CAST: variants seen among roughly 807,000 people sequenced by gnomAD.
The protein encoded by CAST is calpastatin.
A neutral mutation model predicts 119.6 loss-of-function variants in CAST; 76 were observed. The observed-to-expected ratio is 0.64, with a 90% CI of 0.53 to 0.77. The LOEUF is 0.77. Ranked by LOEUF, CAST falls within the 30% of genes least tolerant of loss-of-function variation. The pLI, the probability that CAST is intolerant of heterozygous loss-of-function variation, is 0.00. For missense variants in CAST, 953 were observed against 946.5 expected (o/e 1.01, Z -0.09); for synonymous variants, 319 against 331.6 (o/e 0.96, Z 0.41).
the CAST span, among the ~76,000 whole-genome samples, chr5:96,188,202 A>C: frequency 6.6e-6 from 1 of 152,250 alleles, no homozygotes; most frequent in African/African-American, 2.4e-5. Context: ...TAGAAAGATT[A>C]GTTTATAGGA....
chr5:96,433,619 A>G, the CAST span, among the ~76,000 whole-genome samples: 3 of 152,038 alleles, frequency 2.0e-5, no homozygotes, highest in South Asian at 6.2e-4. Flanking sequence ...GGGGGAGGCT[A>G]TAGGATTCTT....
intron 1 of CAST, among the ~76,000 whole-genome samples, chr5:96,540,546 A>T (rs1745893633): frequency 6.6e-6 from 1 of 152,200 alleles, no homozygotes; most frequent in Non-Finnish European, 1.5e-5. Context: ...TTAACATCTT[A>T]CTTTAGGATA....
At chr5:96,199,686 T>G in the CAST span, among the ~76,000 whole-genome samples, 2 of 152,162 alleles carry the variant, frequency 1.3e-5, no homozygotes, top group African/African-American at 4.8e-5. Context: ...AGTTTTGGTT[T>G]TCAGAGAAAA....
At chr5:96,446,587 G>C in the CAST span, among the ~76,000 whole-genome samples, 2 of 152,198 alleles carry the variant, frequency 1.3e-5, no homozygotes, top group Non-Finnish European at 2.9e-5. Context: ...TAAGCAGTCG[G>C]TGCTCAGCTT....
chr5:96,218,163 T>A, the CAST span, among the ~76,000 whole-genome samples: 1 of 152,226 alleles, frequency 6.6e-6, no homozygotes, highest in Non-Finnish European at 1.5e-5. Context: ...TAGGATGCTA[T>A]GTGACTCACA....
the CAST span, among the ~76,000 whole-genome samples, chr5:96,469,896 A>T: frequency 7.3e-6 from 1 of 136,866 alleles, no homozygotes; most frequent in Admixed American, 7.4e-5. Context: ...ATATACACAC[A>T]CATATATATA....
At chr5:96,412,897 TC>T in the CAST span, 2 of 141,912 alleles carry the variant, frequency 1.4e-5, no homozygotes, top group Non-Finnish European at 2.5e-5. Context: ...TTGCCCTCCC[TC>T]CCACCCCAAC....
the CAST span, among the ~76,000 whole-genome samples, chr5:96,078,734 G>A: frequency 6.6e-6 from 1 of 152,154 alleles, no homozygotes; most frequent in Non-Finnish European, 1.5e-5. Flanking sequence ...TGTCTTGTGG[G>A]TATTGATGAT....
chr5:96,156,690 G>A, the CAST span, among the ~76,000 whole-genome samples: 2 of 152,176 alleles, frequency 1.3e-5, no homozygotes, highest in Admixed American at 6.5e-5. Flanking sequence ...TCTGATCTTG[G>A]TTGTGTCTCT....
At chr5:96,605,544 T>TA (rs1747236833) in intron 1 of CAST, among the ~76,000 whole-genome samples, 1 of 152,236 alleles carries the variant, frequency 6.6e-6, no homozygotes, top group South Asian at 2.1e-4. Context: ...CTACCTGTTT[T>TA]AATTAGATGT....
chr5:96,333,042 G>C, the CAST span, among the ~76,000 whole-genome samples: 9 of 152,016 alleles, frequency 5.9e-5, no homozygotes, highest in Non-Finnish European at 1.3e-4. Flanking sequence ...AATTTTATAA[G>C]GGAAGAAGTT....
chr5:96,037,268 C>T, the CAST span, among the ~76,000 whole-genome samples: 7 of 152,080 alleles, frequency 4.6e-5, no homozygotes, highest in African/African-American at 1.4e-4. Flanking sequence ...CCTACCATGA[C>T]GCTGGGAAAC....
chr5:96,497,761 G>A, the CAST span, among the ~76,000 whole-genome samples: 3 of 152,082 alleles, frequency 2.0e-5, no homozygotes, highest in African/African-American at 7.2e-5. Flanking sequence ...CTGGATATTA[G>A]CCCTTTGTCA....
At position 96,662,517 on chromosome 5, in the gene CAST, G is replaced by A; in HGVS notation, c.75+20G>A. 7.4e-7 allele frequency: 1 copy of A among 1,359,634 alleles called. No individual in the cohort carries two copies. The highest frequency in any genetic ancestry group is 9.4e-7 in the Non-Finnish European group (1 of 1,062,908). 84.2% of individuals were successfully genotyped at this position (1,359,634 alleles called of 1,614,324 possible). On this transcript the variant is annotated intron_variant, in intron 1 of 31. Coordinates refer to ENST00000675179, the MANE Select transcript of CAST (RefSeq NM_001750.7). ...CATGAGGTGAGTGGCGCTCCTGTCGGCGTCGCGGGGCTGGGCGATGGGGTA... is the reference window on the plus strand; with the variant it reads ...CATGAGGTGAGTGGCGCTCCTGTCGACGTCGCGGGGCTGGGCGATGGGGTA...
chr5:96,601,631 G>A (rs1747153460), intron 1 of CAST, among the ~76,000 whole-genome samples: 1 of 152,130 alleles, frequency 6.6e-6, no homozygotes, highest in Non-Finnish European at 1.5e-5. Flanking sequence ...TATCTCTCCT[G>A]GTGATACCCT....
chr5:96,076,298 A>G, the CAST span, among the ~76,000 whole-genome samples: 3 of 152,222 alleles, frequency 2.0e-5, no homozygotes, highest in Non-Finnish European at 4.4e-5. Context: ...TACTCTAAAC[A>G]TATTGCTCTA....
chr5:95,997,719 G>C, the CAST span, among the ~76,000 whole-genome samples: 1 of 152,242 alleles, frequency 6.6e-6, no homozygotes, highest in Non-Finnish European at 1.5e-5. Flanking sequence ...TTTCCAGGAA[G>C]ACTTTCTGGG....
the CAST span, among the ~76,000 whole-genome samples, chr5:96,478,065 T>G: frequency 1.3e-5 from 2 of 152,252 alleles, no homozygotes; most frequent in East Asian, 3.8e-4. Context: ...AATTGATTAC[T>G]TAAAATCCTT....
chr5:96,191,325 G>T, the CAST span, among the ~76,000 whole-genome samples: 1 of 152,170 alleles, frequency 6.6e-6, no homozygotes, highest in African/African-American at 2.4e-5. Context: ...GACACTTGAG[G>T]TTACTTATAT....
Sources: gnomAD v4.1 joint callset for allele counts (sites outside exome capture counted in the v4.1 genomes callset) on GRCh38, gnomAD v4.1.1 for gene constraint, MANE v1.5 for transcripts, NCBI Gene and HGNC (gene_info 2026-07-23, HGNC 2026-07-21) for gene names.